Variants in PDE4D observed in about 807,000 individuals in gnomAD.
PDE4D encodes phosphodiesterase 4D, also known as 3',5'-cyclic-AMP phosphodiesterase 4D.
PDE4D carries 24 observed loss-of-function variants against 87.4 expected under a neutral mutation model. That is an observed-to-expected ratio of 0.27 (90% CI 0.20 to 0.39). PDE4D has a LOEUF of 0.39. Among genes scored for constraint, PDE4D ranks in the 10% least tolerant of loss-of-function variants. The probability of loss-of-function intolerance (pLI) is 1.00; values close to 1 mark genes in which losing one functional copy is unlikely to be tolerated. For synonymous variants in PDE4D, 384 were observed against 383.2 expected, an observed-to-expected ratio of 1.00 and a Z score of -0.02; for missense variants, 714 against 1,041.0, an observed-to-expected ratio of 0.69 and a Z score of 4.32.
At chr5:60,233,689 A>C (rs1049154446) in intron 1 of PDE4D, among the ~76,000 whole-genome samples, 1 of 151,842 alleles carries the variant, frequency 6.6e-6, no homozygotes, top group Non-Finnish European at 1.5e-5. Flanking sequence ...TCAAACACTT[A>C]TATAGTGCTT....
intron 1 of PDE4D, among the ~76,000 whole-genome samples, chr5:60,269,712 C>A (rs1055676791): frequency 7.3e-5 from 11 of 151,512 alleles, no homozygotes; most frequent in African/African-American, 2.4e-4. Context: ...AATGTTCTTA[C>A]CACAAAAAAG....
intron 2 of PDE4D, among the ~76,000 whole-genome samples, chr5:60,135,809 G>A (rs1406896625): frequency 6.6e-6 from 1 of 152,124 alleles, no homozygotes; most frequent in African/African-American, 2.4e-5. Flanking sequence ...TTCCTTAATG[G>A]CCTCCTGTCT....
chr5:59,193,586 T>A, intron 2 of PDE4D, 50 bp from the exon 3 acceptor site: 1 of 1,600,336 alleles, frequency 6.2e-7, no homozygotes. Context: ...AACTCTGTGC[T>A]CAGTGTCGTT....
chr5:59,751,574 G>GGTGTGT (rs57407769), intron 1 of PDE4D, among the ~76,000 whole-genome samples: 27,633 of 142,504 alleles, frequency 0.19, 2,828 homozygotes, highest in Non-Finnish European at 0.23. Context: ...ATAAATCCCT[G>GGTGTGT]GTGTGTGTGT....
intron 1 of PDE4D, among the ~76,000 whole-genome samples, chr5:60,238,239 A>G (rs1746646482): frequency 6.6e-6 from 1 of 152,016 alleles, no homozygotes; most frequent in Admixed American, 6.6e-5. Flanking sequence ...CATGGAATTT[A>G]TACATTTCAT....
At chr5:60,241,253 G>GTCTCTC (rs201578593) in intron 1 of PDE4D, among the ~76,000 whole-genome samples, 3 of 145,504 alleles carry the variant, frequency 2.1e-5, no homozygotes, top group Non-Finnish European at 4.5e-5. Flanking sequence ...ATACATCAGA[G>GTCTCTC]TCTCTCTCTC....
At chr5:60,184,814 C>T (rs759708622) in intron 2 of PDE4D, among the ~76,000 whole-genome samples, 13 of 152,296 alleles carry the variant, frequency 8.5e-5, no homozygotes, top group South Asian at 2.1e-4. Flanking sequence ...AATGTTCCTA[C>T]GTCACAAGTA....
At chr5:59,740,288 TA>T (rs568895557) in intron 1 of PDE4D, among the ~76,000 whole-genome samples, 126 of 152,304 alleles carry the variant, frequency 8.3e-4, no homozygotes, top group African/African-American at 2.9e-3. Flanking sequence ...ATGTTCAAAA[TA>T]TTTTTGATAA....
intron 1 of PDE4D, among the ~76,000 whole-genome samples, chr5:59,475,318 T>C (rs1282281463): frequency 1.3e-5 from 2 of 152,046 alleles, no homozygotes; most frequent in African/African-American, 2.4e-5. Flanking sequence ...TTATTCAGAT[T>C]CTCAAAGGGG....
intron 2 of PDE4D, among the ~76,000 whole-genome samples, chr5:60,155,870 T>C (rs1346510860): frequency 6.6e-6 from 1 of 152,224 alleles, no homozygotes; most frequent in Non-Finnish European, 1.5e-5. Context: ...ATTAAATGAA[T>C]CAAATTAATG....
intron 6 of PDE4D, among the ~76,000 whole-genome samples, chr5:59,000,363 G>C (rs1265738579): frequency 1.3e-5 from 2 of 152,134 alleles, no homozygotes; most frequent in African/African-American, 2.4e-5. Flanking sequence ...TCCAAAACAA[G>C]TGGCTCCCTG....
At chr5:59,348,861 G>A (rs115010338) in intron 1 of PDE4D, among the ~76,000 whole-genome samples, 7,553 of 152,074 alleles carry the variant, frequency 0.05, 289 homozygotes, top group Admixed American at 0.083. Flanking sequence ...GGAGGCTGAG[G>A]TGGGAGGATA....
At chr5:60,240,808 C>T (rs1747025350) in intron 1 of PDE4D, among the ~76,000 whole-genome samples, 1 of 152,088 alleles carries the variant, frequency 6.6e-6, no homozygotes, top group Non-Finnish European at 1.5e-5. Flanking sequence ...CTGCAAGAAC[C>T]ACAGCATTAC....
upstream of PDE4D, among the ~76,000 whole-genome samples, chr5:59,894,064 C>G (rs950245442): frequency 6.6e-6 from 1 of 152,174 alleles, no homozygotes; most frequent in Non-Finnish European, 1.5e-5. Context: ...GAACCCTGAT[C>G]CCGGAGCTGC....
intron 5 of PDE4D, chr5:59,180,391 T>TA (rs1381939914): frequency 1.4e-6 from 1 of 707,442 alleles, no homozygotes; most frequent in South Asian, 1.5e-5. Context: ...TGTACATCAG[T>TA]AAAAAACGTA....
intron 5 of PDE4D, among the ~76,000 whole-genome samples, chr5:59,139,351 C>T (rs1253102348): frequency 1.3e-5 from 2 of 152,150 alleles, no homozygotes; most frequent in African/African-American, 2.4e-5. Context: ...TGGGCTGACC[C>T]ATTTTTTGAG....
intron 1 of PDE4D, among the ~76,000 whole-genome samples, chr5:59,256,445 G>C (rs1311959334): frequency 6.6e-6 from 1 of 151,876 alleles, no homozygotes; most frequent in African/African-American, 2.4e-5. Context: ...CCTCAAAGTG[G>C]GAGTCTCAGA....
chr5:59,655,342 C>A (rs566671900), intron 1 of PDE4D, among the ~76,000 whole-genome samples: 1 of 152,164 alleles, frequency 6.6e-6, no homozygotes, highest in African/African-American at 2.4e-5. Flanking sequence ...CAAATATTGC[C>A]AATAAAAATT....
At chr5:59,693,746 T>C (rs971777065) in intron 1 of PDE4D, among the ~76,000 whole-genome samples, 1 of 152,210 alleles carries the variant, frequency 6.6e-6, no homozygotes, top group Non-Finnish European at 1.5e-5. Flanking sequence ...GAAAAGTATT[T>C]TTTAATCTAC....
Sources: allele counts gnomAD v4.1 joint callset (sites outside exome capture counted in the v4.1 genomes callset), GRCh38; gene constraint gnomAD v4.1.1; transcripts MANE v1.5; gene names NCBI Gene and HGNC (gene_info 2026-07-23, HGNC 2026-07-21).